The following KMT5A variants were observed in gnomAD, a reference collection of about 807,000 sequenced individuals.
KMT5A encodes N-lysine methyltransferase KMT5A.
KMT5A carries 6 observed loss-of-function variants against 40.6 expected under a neutral mutation model. That is an observed-to-expected ratio of 0.15 (90% CI 0.08 to 0.29). KMT5A has a LOEUF of 0.29. Among genes scored for constraint, KMT5A ranks in the 10% least tolerant of loss-of-function variants. The pLI is 1.00. For missense variants in KMT5A, 308 were observed against 459.1 expected, an observed-to-expected ratio of 0.67 and a Z score of 3.01; for synonymous variants, 153 against 178.8, an observed-to-expected ratio of 0.86 and a Z score of 1.15.
chr12:123,404,559 G>A (rs1315164926), intron 6 of KMT5A, among the ~76,000 whole-genome samples: 1 of 152,194 alleles, frequency 6.6e-6, no homozygotes, highest in East Asian at 1.9e-4. Flanking sequence ...GCCTCTTTAA[G>A]CCTCAGTTTC....
chr12:123,385,021 T>A (rs1158213758), intron 1 of KMT5A, among the ~76,000 whole-genome samples: 1 of 152,074 alleles, frequency 6.6e-6, no homozygotes, highest in Non-Finnish European at 1.5e-5. Flanking sequence ...GCGTGAAAGT[T>A]GAGTAGAATT....
chr12:123,394,945 A>G, intron 3 of KMT5A, 102 bp from the exon 4 acceptor site: 1 of 1,122,450 alleles, frequency 8.9e-7, no homozygotes, highest in Non-Finnish European at 1.3e-6. Context: ...TGACAAACCC[A>G]GGATCCTGTC....
At chr12:123,403,781 A>G (rs1878348454) in intron 6 of KMT5A, 149 bp downstream of exon 6, 4 of 768,842 alleles carry the variant, frequency 5.2e-6, no homozygotes, top group South Asian at 1.8e-5. Flanking sequence ...CAAAGAGCCA[A>G]ATACCAAAAG....
At chr12:123,396,945 T>A (rs1877774736) in intron 5 of KMT5A, among the ~76,000 whole-genome samples, 1 of 152,232 alleles carries the variant, frequency 6.6e-6, no homozygotes, top group African/African-American at 2.4e-5. Flanking sequence ...AATAATGTAG[T>A]ACCTGCTAGA....
In KMT5A at chr12:123,398,627, C is replaced by A. The variant is rs552235575; in HGVS notation, c.597+2195C>A. On this transcript the variant is annotated intron_variant, in intron 5 of 7. Transcript: ENST00000402868. ...TTCCTGGACCGGGAGCCGTGCTTTG[C>A]CCCCCACTGTTTGTGTTGGCTCTGC... is the stretch of plus-strand genomic sequence containing the variant. Among the ~76,000 whole-genome samples the A allele has an allele frequency of 4.1e-4, 63 of 152,228 alleles. 1 individual carries two copies. Among genetic ancestry groups the A allele is most frequent in the Non-Finnish European group, 8.8e-5 (6 of 68,040 alleles).
In KMT5A at chr12:123,404,982, C is replaced by G; in HGVS notation, c.756C>G (p.Ile252Met). ...VVEYHGDLIE[I>M]TDAKKREALY... ...AATACCACGGGGACCTCATCGAGAT[C>G]ACCGACGCCAAGAAACGGGAGGCTC... Residue 252 changes from isoleucine (I) to methionine (M), a missense_variant, in exon 7 of 8, where the codon ATC becomes ATG. By Grantham distance (10) the Ile-to-Met change is conservative. This residue lies in a region of KMT5A where 77 missense variants were observed against 220.0 expected (regional missense o/e 0.35). Coordinates refer to ENST00000402868, the MANE Select transcript of KMT5A (RefSeq NM_020382.7). The G allele has an allele frequency of 4.3e-6, 7 of 1,614,066 alleles. No homozygotes were observed. The highest frequency in any genetic ancestry group is 5.1e-6 in the Non-Finnish European group (6 of 1,179,976).
chr12:123,399,991 T>G (rs1477756393), intron 5 of KMT5A, among the ~76,000 whole-genome samples: 1 of 151,880 alleles, frequency 6.6e-6, no homozygotes, highest in Non-Finnish European at 1.5e-5. Flanking sequence ...GCCCAGCTGA[T>G]TTTGTATTTT....
intron 7 of KMT5A, among the ~76,000 whole-genome samples, chr12:123,406,166 C>G (rs1481546150): frequency 6.6e-6 from 1 of 152,130 alleles, no homozygotes; most frequent in Non-Finnish European, 1.5e-5. Context: ...GATGTTATCT[C>G]ATCCAAGGGG....
chr12:123,389,274 G>A, intron 1 of KMT5A, 159 bp from the exon 2 acceptor site: 1 of 250,206 alleles, frequency 4.0e-6, no homozygotes, highest in Non-Finnish European at 6.1e-6. Flanking sequence ...GCTCCGGCCC[G>A]GCCCTCCCGG....
Position 123,390,761 on chromosome 12 carries a change from A to G in KMT5A, c.264A>G (p.Leu88=). The G allele has an allele frequency of 1.9e-6, 3 of 1,613,984 alleles. No homozygotes were observed. The highest frequency in any genetic ancestry group is 1.7e-4 in the Middle Eastern group (1 of 6,056). The change falls in exon 3 of 8, where the codon TTA becomes TTG. Residue 88 remains leucine (L), a synonymous_variant. Transcript: ENST00000402868. ...HHEVKCQGKP[L]AGIYRKREEK... ...AAGTCAAATGCCAGGGGAAACCATT[A>G]GCCGGAATCTACAGGAAACGAGAAG...
At position 123,408,598 on chromosome 12, in the gene KMT5A, C is replaced by A. The variant is rs879068906; in HGVS notation, c.*895C>A. ...TTTTTTTTTTTTTTGCTTTTTTTTG[C>A]TTTTTGTAGAAGAGATTGAGAATGG... On this transcript the variant is annotated 3_prime_UTR_variant, in exon 8 of 8. Coordinates refer to ENST00000402868, the MANE Select transcript of KMT5A (RefSeq NM_020382.7). 2.8e-5 allele frequency: 1 copy of A among 35,904 alleles called. No homozygotes were observed. Among genetic ancestry groups the A allele is most frequent in the African/African-American group, 9.9e-5 (1 of 10,084 alleles). The allele number at this position is 35,904 out of a possible 1,614,324, so 2.2% of individuals were successfully genotyped here.
chr12:123,390,085 G>A (rs1215247451), intron 2 of KMT5A: 1 of 469,114 alleles, frequency 2.1e-6, no homozygotes, highest in Non-Finnish European at 4.4e-6. Context: ...AGATTCCCCA[G>A]TCACCCTGAG....
Position 123,407,386 on chromosome 12 carries a change from A to T in KMT5A, c.849-107A>T. ...TATGAATTGAATCTTTTCAAAACACATGGCTTTAAATCAGCATCCCACCAG... is the reference window on the plus strand; with the variant it reads ...TATGAATTGAATCTTTTCAAAACACTTGGCTTTAAATCAGCATCCCACCAG... On this transcript the variant is annotated intron_variant, in intron 7 of 7. Coordinates refer to ENST00000402868, the MANE Select transcript of KMT5A (RefSeq NM_020382.7). 3.8e-6 allele frequency: 4 copies of T among 1,057,040 alleles called. No individual in the cohort carries two copies. In the South Asian group the frequency reaches 5.9e-5, roughly 16 times the overall value. 65.5% of individuals were successfully genotyped at this position (1,057,040 alleles called of 1,614,324 possible).
At chr12:123,396,574 C>T (rs1877745412) in intron 5 of KMT5A, 142 bp downstream of exon 5, 1 of 726,700 alleles carries the variant, frequency 1.4e-6, no homozygotes. Flanking sequence ...ACTTGGTTTT[C>T]TCCTGGATCT....
At chr12:123,390,910 C>T in intron 3 of KMT5A, 124 bp downstream of exon 3, 3 of 1,187,794 alleles carry the variant, frequency 2.5e-6, no homozygotes, top group African/African-American at 3.1e-5. Flanking sequence ...GAGGTTTGAG[C>T]CATGTTCTGT....
At chr12:123,407,320 C>T (rs528581399) in intron 7 of KMT5A, among the ~76,000 whole-genome samples, 173 bp from the exon 8 acceptor site, 20 of 152,246 alleles carry the variant, frequency 1.3e-4, no homozygotes, top group African/African-American at 3.9e-4. Context: ...GCCTGGGTTA[C>T]GGAGCGAGAC....
At chr12:123,398,952 A>G (rs992825412) in intron 5 of KMT5A, among the ~76,000 whole-genome samples, 1 of 152,138 alleles carries the variant, frequency 6.6e-6, no homozygotes, top group East Asian at 1.9e-4. Context: ...GACAGCAGCC[A>G]GGGCGGGCCT....
chr12:123,396,551 T>G (rs1291371798), intron 5 of KMT5A, 119 bp downstream of exon 5: 1 of 894,134 alleles, frequency 1.1e-6, no homozygotes, highest in East Asian at 2.6e-5. Context: ...AGCAAGTCTC[T>G]TGGCCCCTCT....
intron 1 of KMT5A, chr12:123,389,232 T>A: frequency 7.5e-6 from 1 of 133,844 alleles, no homozygotes. Context: ...GCGCGGGGCC[T>A]GGCCGGGCCG....
Sources: allele counts gnomAD v4.1 joint callset (sites outside exome capture counted in the v4.1 genomes callset), GRCh38; gene constraint gnomAD v4.1.1; regional missense constraint gnomAD v4.1.1; transcripts MANE v1.5; gene names NCBI Gene and HGNC (gene_info 2026-07-23, HGNC 2026-07-21).